ATL2: variants seen among roughly 807,000 people sequenced by gnomAD.
ATL2 encodes the protein atlastin GTPase 2, also known as atlastin-2.
A neutral mutation model predicts 73.9 loss-of-function variants in ATL2; 31 were observed. The observed-to-expected ratio is 0.42, with a 90% CI of 0.32 to 0.57. ATL2 has a LOEUF of 0.57. Among genes scored for constraint, ATL2 ranks in the 20% least tolerant of loss-of-function variants. The probability of loss-of-function intolerance (pLI) is 0.14; values close to 1 mark genes in which losing one functional copy is unlikely to be tolerated. For synonymous variants in ATL2, 291 were observed against 237.5 expected (o/e 1.23, Z -2.07); for missense variants, 738 against 702.6 (o/e 1.05, Z -0.57).
intron 1 of ATL2, among the ~76,000 whole-genome samples, chr2:38,374,300 T>C (rs1573610158): frequency 6.6e-6 from 1 of 152,344 alleles, no homozygotes; most frequent in East Asian, 1.9e-4. Context: ...GAATTCACTG[T>C]GGAATCAAGT....
rs577210721 is a variant in ATL2 at position 38,347,489 on chromosome 2, A to G, written c.119-3977T>C. Among the ~76,000 whole-genome samples the G allele has an allele frequency of 3.3e-5, 5 of 152,192 alleles. No homozygotes were observed. The East Asian group carries it at 9.6e-4, about 29-fold the overall frequency. ...CCTCCCTGACCACTCAATCTAAATCACAGATCCCTTTCCTTAACACTTTAA... is the reference window on the plus strand; with the variant it reads ...CCTCCCTGACCACTCAATCTAAATCGCAGATCCCTTTCCTTAACACTTTAA... On this transcript the variant is annotated intron_variant, in intron 1 of 12. Transcript: ENST00000378954.
intron 6 of ATL2, among the ~76,000 whole-genome samples, chr2:38,313,629 A>C (rs986489141): frequency 1.3e-5 from 2 of 152,198 alleles, no homozygotes; most frequent in South Asian, 2.1e-4. Context: ...GGGGTCAATA[A>C]GGACATTTTC....
intron 9 of ATL2, among the ~76,000 whole-genome samples, chr2:38,301,317 C>G (rs1667179561): frequency 6.6e-6 from 1 of 152,142 alleles, no homozygotes; most frequent in South Asian, 2.1e-4. Flanking sequence ...GGGAAGGAGG[C>G]AGAGCAAGAT....
At chr2:38,307,381 T>A (rs1667509238) in intron 9 of ATL2, among the ~76,000 whole-genome samples, 2 of 151,338 alleles carry the variant, frequency 1.3e-5, no homozygotes, top group Admixed American at 6.6e-5. Context: ...AATGGAGCCT[T>A]GCTCTGTCGC....
intron 6 of ATL2, 75 bp from the exon 7 acceptor site, chr2:38,313,318 T>C (rs558711193): frequency 1.1e-5 from 11 of 1,031,020 alleles, no homozygotes; most frequent in Admixed American, 6.9e-5. Context: ...CTCTTAACAA[T>C]TGAAGCCTCT....
At chr2:38,349,511 T>G (rs986833023) in intron 1 of ATL2, among the ~76,000 whole-genome samples, 31 of 98,892 alleles carry the variant, frequency 3.1e-4, no homozygotes, top group African/African-American at 1.2e-3. Flanking sequence ...CATCACACTC[T>G]GGGGACTGTT....
At chr2:38,343,188 C>A in intron 2 of ATL2, 80 bp downstream of exon 2, 14 of 337,086 alleles carry the variant, frequency 4.2e-5, no homozygotes, top group East Asian at 9.3e-5. Flanking sequence ...AGATATAGTT[C>A]TGGTTTTTGT....
chr2:38,299,647 C>T (rs762507246), intron 10 of ATL2, among the ~76,000 whole-genome samples: 6 of 152,074 alleles, frequency 3.9e-5, no homozygotes, highest in African/African-American at 1.4e-4. Flanking sequence ...TGTTAGGAAT[C>T]GAGAATTACC....
In ATL2 at chr2:38,300,491, A is replaced by C. The variant is rs1217334705; in HGVS notation, c.1072-163T>G. Reference sequence around the variant, plus strand: ...CAACAAAGTTAACCCTATTCTCAATATTATTAAATTATATGCTGCTAAATA... The same window carrying C: ...CAACAAAGTTAACCCTATTCTCAATCTTATTAAATTATATGCTGCTAAATA... On this transcript the variant is annotated intron_variant, in intron 9 of 12. Transcript: ENST00000378954. 4 of 516,602 alleles carry C rather than the reference A, an allele frequency of 7.7e-6. 1 individual carries two copies. Among genetic ancestry groups the C allele is most frequent in the African/African-American group, 1.9e-5 (1 of 52,496 alleles). 32.0% of individuals were successfully genotyped at this position (516,602 alleles called of 1,614,324 possible).
At chr2:38,312,632 C>A (rs887700601) in intron 7 of ATL2, among the ~76,000 whole-genome samples, 1 of 151,622 alleles carries the variant, frequency 6.6e-6, no homozygotes, top group Non-Finnish European at 1.5e-5. Context: ...TCGCTTGAAC[C>A]CGGGAAGCGG....
intron 1 of ATL2, among the ~76,000 whole-genome samples, chr2:38,346,228 CT>C (rs1379111915): frequency 6.6e-6 from 1 of 152,198 alleles, no homozygotes; most frequent in Non-Finnish European, 1.5e-5. Context: ...TATTCCTGCA[CT>C]TGTCACTGCC....
intron 9 of ATL2, among the ~76,000 whole-genome samples, chr2:38,308,266 A>C (rs1003601148): frequency 1.3e-5 from 2 of 152,232 alleles, no homozygotes; most frequent in Non-Finnish European, 2.9e-5. Flanking sequence ...AGTACTACTC[A>C]TCCATATAAA....
At chr2:38,341,170 C>A (rs75582456) in intron 2 of ATL2, among the ~76,000 whole-genome samples, 94 of 152,286 alleles carry the variant, frequency 6.2e-4, no homozygotes, top group African/African-American at 2.1e-3. Context: ...TACATTTGCA[C>A]TAAACAGCTT....
intron 2 of ATL2, among the ~76,000 whole-genome samples, chr2:38,340,439 G>A (rs1045936832): frequency 2.0e-5 from 3 of 152,114 alleles, no homozygotes; most frequent in African/African-American, 2.4e-5. Context: ...ATACTTGAGT[G>A]TAACATTTAT....
chr2:38,359,296 CCT>C (rs1553341152), intron 1 of ATL2, among the ~76,000 whole-genome samples: 1 of 151,810 alleles, frequency 6.6e-6, no homozygotes, highest in Non-Finnish European at 1.5e-5. Context: ...ATGGTGAAAC[CCT>C]GTCTCCACTA....
At chr2:38,296,455 A>C (rs1666897210) in intron 12 of ATL2, 1 of 1,578,456 alleles carries the variant, frequency 6.3e-7, no homozygotes, top group African/African-American at 1.3e-5. Flanking sequence ...TGAACACTTC[A>C]GATAGAGAAA....
In ATL2 at chr2:38,338,675, A is replaced by C. The variant is rs192575894; in HGVS notation, c.363+4593T>G. 1.6e-3 allele frequency among the ~76,000 whole-genome samples: 242 copies of C among 152,230 alleles called. 3 individuals carry two copies. The highest frequency in any genetic ancestry group is 5.7e-3 in the African/African-American group (236 of 41,532). ...TCCCTGTTCTTTGAGGTTGGGGTGG[A>C]ATTAATGACTAAAAAATATCAAGTC... On this transcript the variant is annotated intron_variant, in intron 2 of 12. Coordinates refer to ENST00000378954, the MANE Select transcript of ATL2 (RefSeq NM_001135673.4).
Position 38,295,850 on chromosome 2 carries a change from C to T in ATL2, c.*144G>A. 1.5e-6 allele frequency: 1 copy of T among 650,312 alleles called. No homozygotes were observed. The highest frequency in any genetic ancestry group is 2.5e-6 in the Non-Finnish European group (1 of 394,538). The allele number at this position is 650,312 out of a possible 1,614,324, so 40.3% of individuals were successfully genotyped here. On this transcript the variant is annotated 3_prime_UTR_variant, in exon 13 of 13. Coordinates refer to ENST00000378954, the MANE Select transcript of ATL2 (RefSeq NM_001135673.4). ...GCTTAAAACTAACAAACAATCTTCACACTCTGTGGCAGCCATCTGTGAAGC... is the reference window on the plus strand; with the variant it reads ...GCTTAAAACTAACAAACAATCTTCATACTCTGTGGCAGCCATCTGTGAAGC...
chr2:38,353,865 T>A (rs561145507), intron 1 of ATL2, among the ~76,000 whole-genome samples: 1 of 152,136 alleles, frequency 6.6e-6, no homozygotes, highest in African/African-American at 2.4e-5. Flanking sequence ...AGTGAAACGA[T>A]CATTCAAAAA....
Sources: gnomAD v4.1 joint callset for allele counts (sites outside exome capture counted in the v4.1 genomes callset) on GRCh38, gnomAD v4.1.1 for gene constraint, MANE v1.5 for transcripts, NCBI Gene and HGNC (gene_info 2026-07-23, HGNC 2026-07-21) for gene names.